The following SLC24A2 variants were observed in gnomAD, a reference collection of about 807,000 sequenced individuals.
SLC24A2 encodes sodium/potassium/calcium exchanger 2.
SLC24A2 carries 36 observed loss-of-function variants against 62.0 expected under a neutral mutation model. The ratio of observed to expected loss-of-function variants is 0.58; its 90% CI spans 0.44 to 0.77. SLC24A2 has a LOEUF of 0.77. Among genes scored for constraint, SLC24A2 ranks in the 30% least tolerant of loss-of-function variants. The pLI is 0.00. For synonymous variants in SLC24A2, 358 were observed against 294.0 expected (o/e 1.22, Z -2.23); for missense variants, 846 against 817.9 (o/e 1.03, Z -0.42).
the SLC24A2 span, among the ~76,000 whole-genome samples, chr9:20,090,605 C>T: frequency 9.9e-5 from 15 of 152,074 alleles, no homozygotes; most frequent in Admixed American, 8.5e-4. Flanking sequence ...CTAACACCCC[C>T]ACCCCCAACC....
At position 19,786,516 on chromosome 9, in the gene SLC24A2, T is replaced by G; in HGVS notation, c.351A>C (p.Gln117His). 1 of 1,614,196 alleles carries G rather than the reference T, an allele frequency of 6.2e-7. No homozygotes were observed. The highest frequency in any genetic ancestry group is 8.5e-7 in the Non-Finnish European group (1 of 1,180,026). Residue 117 changes from glutamine to histidine, a missense_variant, in exon 2 of 11, where the codon CAA (glutamine) becomes CAC (histidine). By Grantham distance (24) the Gln-to-His change is conservative. Transcript: ENST00000341998. The surrounding 1 kb of genome is among the most constrained non-coding windows in gnomAD (Gnocchi z 5.0). ...AAAAGATGTCTTTCGGGTAGTCTCC[T>G]TGGGCGTGATCTGTACTATTCTCAG... is the stretch of plus-strand genomic sequence containing the variant. ...GESENSTDHA[Q>H]GDYPKDIFSL...
At chr9:19,750,930 G>A (rs1266301322) in intron 2 of SLC24A2, among the ~76,000 whole-genome samples, 3 of 152,144 alleles carry the variant, frequency 2.0e-5, no homozygotes, top group Non-Finnish European at 4.4e-5. Flanking sequence ...TGAAGACCCT[G>A]CTCTAGTGTT....
chr9:19,607,482 G>A (rs897663670), intron 4 of SLC24A2, among the ~76,000 whole-genome samples: 5 of 152,104 alleles, frequency 3.3e-5, no homozygotes, highest in Non-Finnish European at 7.4e-5. Context: ...ATTGGGAGGA[G>A]GCCAAGGCAG....
chr9:20,279,184 T>C, the SLC24A2 span, among the ~76,000 whole-genome samples: 1 of 152,192 alleles, frequency 6.6e-6, no homozygotes, highest in African/African-American at 2.4e-5. Flanking sequence ...GGAACTACAA[T>C]TTAAGATGAG....
the SLC24A2 span, among the ~76,000 whole-genome samples, chr9:19,911,550 C>CTGT: frequency 6.6e-6 from 1 of 152,234 alleles, no homozygotes; most frequent in East Asian, 1.9e-4. Context: ...TGGTGCTGAA[C>CTGT]TGTTGTGGAA....
chr9:19,534,514 C>A (rs573664101), intron 8 of SLC24A2, among the ~76,000 whole-genome samples: 17 of 152,040 alleles, frequency 1.1e-4, no homozygotes, highest in Non-Finnish European at 2.4e-4. Flanking sequence ...CCTAGCCCCC[C>A]ACCCCTTGAC....
chr9:19,969,911 A>C, the SLC24A2 span, among the ~76,000 whole-genome samples: 1 of 152,200 alleles, frequency 6.6e-6, no homozygotes, highest in Non-Finnish European at 1.5e-5. Context: ...TGCAATATAA[A>C]GTGTCTGTGC....
At chr9:19,593,596 T>A (rs557897700) in intron 5 of SLC24A2, among the ~76,000 whole-genome samples, 1 of 152,300 alleles carries the variant, frequency 6.6e-6, no homozygotes, top group South Asian at 2.1e-4. Context: ...AGAAATGCTT[T>A]CTTCAATAGC....
chr9:20,044,797 T>C, the SLC24A2 span, among the ~76,000 whole-genome samples: 1 of 152,318 alleles, frequency 6.6e-6, no homozygotes, highest in East Asian at 1.9e-4. Context: ...ATGCACACAG[T>C]ATCACTAAGT....
chr9:19,891,422 A>T, the SLC24A2 span, among the ~76,000 whole-genome samples: 3 of 152,180 alleles, frequency 2.0e-5, no homozygotes. Context: ...GTAATTTATA[A>T]AGAAAGAGGT....
At chr9:20,302,907 T>A in the SLC24A2 span, among the ~76,000 whole-genome samples, 1 of 152,204 alleles carries the variant, frequency 6.6e-6, no homozygotes, top group African/African-American at 2.4e-5. Context: ...AACAATGCAA[T>A]GACAGCATAT....
chr9:19,895,413 G>T, the SLC24A2 span, among the ~76,000 whole-genome samples: 2 of 152,210 alleles, frequency 1.3e-5, no homozygotes, highest in East Asian at 3.9e-4. Context: ...GGGGGATATT[G>T]TCCAATAAGT....
intron 7 of SLC24A2, among the ~76,000 whole-genome samples, chr9:19,563,813 C>T (rs1350462139): frequency 6.2e-5 from 6 of 96,160 alleles, no homozygotes; most frequent in Non-Finnish European, 9.6e-5. Context: ...TTCCTTCCTT[C>T]CTTCCTTCCT....
chr9:19,540,340 G>C (rs1224106789), intron 8 of SLC24A2, among the ~76,000 whole-genome samples: 5 of 144,854 alleles, frequency 3.5e-5, no homozygotes, highest in Admixed American at 2.0e-4. Flanking sequence ...GCAGCGGCTG[G>C]TACCGGTTGT....
intron 2 of SLC24A2, among the ~76,000 whole-genome samples, chr9:19,734,281 T>G (rs1182660): frequency 0.66 from 100,086 of 151,800 alleles, 33,306 homozygotes; most frequent in East Asian, 0.83. Flanking sequence ...CTGTTTTGGT[T>G]ACTGTAGCCT....
At chr9:20,102,072 A>T in the SLC24A2 span, among the ~76,000 whole-genome samples, 4 of 152,322 alleles carry the variant, frequency 2.6e-5, no homozygotes, top group East Asian at 7.7e-4. Flanking sequence ...TAGCCACAAA[A>T]ACAACATGAT....
the SLC24A2 span, among the ~76,000 whole-genome samples, chr9:19,795,804 C>T: frequency 1.3e-5 from 2 of 151,954 alleles, no homozygotes; most frequent in African/African-American, 2.4e-5. Flanking sequence ...TAATAGCCAC[C>T]ATTTACATCC....
the SLC24A2 span, among the ~76,000 whole-genome samples, chr9:19,873,728 A>G: frequency 6.6e-6 from 1 of 152,142 alleles, no homozygotes; most frequent in Admixed American, 6.5e-5. Context: ...ACTCAGTTTT[A>G]TCATGAGAAT....
At chr9:20,275,673 G>C in the SLC24A2 span, among the ~76,000 whole-genome samples, 2 of 152,152 alleles carry the variant, frequency 1.3e-5, no homozygotes, top group Non-Finnish European at 2.9e-5. Context: ...TGACATCTTT[G>C]AAATTCTACG....
Sources: gnomAD v4.1 joint callset for allele counts (sites outside exome capture counted in the v4.1 genomes callset) on GRCh38, gnomAD v4.1.1 for gene constraint, Gnocchi (gnomAD v3.1) non-coding constraint, MANE v1.5 for transcripts, NCBI Gene and HGNC (gene_info 2026-07-23, HGNC 2026-07-21) for gene names.